Variants in ARK2N observed in about 807,000 individuals in gnomAD.
ARK2N encodes arkadia (RNF111) N-terminal like PKA signaling regulator 2N.
chr18:46,234,878 G>T, the ARK2N span, among the ~76,000 whole-genome samples: 12 of 152,230 alleles, frequency 7.9e-5, no homozygotes, highest in Middle Eastern at 0.014. Flanking sequence ...GGCAAGATTA[G>T]GTATGGCAAA....
chr18:46,244,081 A>C, the ARK2N span, among the ~76,000 whole-genome samples: 1 of 152,226 alleles, frequency 6.6e-6, no homozygotes, highest in Admixed American at 6.5e-5. Flanking sequence ...GTTTCTCCTG[A>C]TGATTCTGTC....
At chr18:46,253,877 C>A in the ARK2N span, 5 of 1,516,296 alleles carry the variant, frequency 3.3e-6, no homozygotes, top group Middle Eastern at 1.8e-4. Context: ...TCTATTTTAA[C>A]CAGAAAACAA....
At chr18:46,176,139 T>A in the ARK2N span, among the ~76,000 whole-genome samples, 1 of 152,342 alleles carries the variant, frequency 6.6e-6, no homozygotes, top group African/African-American at 2.4e-5. Context: ...ACTTTCAGTC[T>A]CTTTATTGTG....
chr18:46,208,746 C>T, the ARK2N span, among the ~76,000 whole-genome samples: 2 of 152,104 alleles, frequency 1.3e-5, no homozygotes, highest in African/African-American at 2.4e-5. Context: ...GGATTACAGG[C>T]GTGAGCCACC....
At chr18:46,245,678 T>C in the ARK2N span, among the ~76,000 whole-genome samples, 39 of 152,256 alleles carry the variant, frequency 2.6e-4, no homozygotes, top group African/African-American at 8.9e-4. Flanking sequence ...ATGCCTAGCA[T>C]GCGACTGTCA....
At chr18:46,219,260 C>T in the ARK2N span, 1 of 151,948 alleles carries the variant, frequency 6.6e-6, no homozygotes, top group Non-Finnish European at 1.5e-5. Flanking sequence ...GGCACTAGAT[C>T]ATCTCTCTTT....
the ARK2N span, among the ~76,000 whole-genome samples, chr18:46,213,184 T>C: frequency 5.3e-5 from 8 of 151,754 alleles, no homozygotes; most frequent in Non-Finnish European, 7.4e-5. Context: ...GTATTTTTAG[T>C]AGAGATGGGC....
At chr18:46,188,650 A>G in the ARK2N span, among the ~76,000 whole-genome samples, 1 of 152,182 alleles carries the variant, frequency 6.6e-6, no homozygotes, top group Non-Finnish European at 1.5e-5. Flanking sequence ...CCTGGCAAAA[A>G]TTTTAAGTGG....
chr18:46,228,219 C>T, the ARK2N span, among the ~76,000 whole-genome samples: 1 of 152,078 alleles, frequency 6.6e-6, no homozygotes, highest in Non-Finnish European at 1.5e-5. Flanking sequence ...GAAGTTCTGT[C>T]TTCACCTTCT....
chr18:46,197,746 A>C, the ARK2N span, among the ~76,000 whole-genome samples: 1 of 152,296 alleles, frequency 6.6e-6, no homozygotes, highest in South Asian at 2.1e-4. Flanking sequence ...CTTTTCAAAA[A>C]GGGGAAAGCA....
chr18:46,244,028 C>T, the ARK2N span, among the ~76,000 whole-genome samples: 9 of 152,136 alleles, frequency 5.9e-5, no homozygotes, highest in African/African-American at 1.4e-4. Context: ...TTTGCCAGAG[C>T]GTAGAAATTA....
chr18:46,231,566 CTTTT>C, the ARK2N span, among the ~76,000 whole-genome samples: 4,428 of 100,802 alleles, frequency 0.044, 141 homozygotes, highest in African/African-American at 0.11. Flanking sequence ...AGGTTTGGGG[CTTTT>C]TTTTTTTTTT....
the ARK2N span, among the ~76,000 whole-genome samples, chr18:46,222,923 G>T: frequency 1.3e-5 from 2 of 152,144 alleles, no homozygotes; most frequent in African/African-American, 2.4e-5. Context: ...TCTTGGTGTT[G>T]TAAGTTCTGT....
the ARK2N span, among the ~76,000 whole-genome samples, chr18:46,175,766 G>A: frequency 2.0e-5 from 3 of 152,188 alleles, no homozygotes; most frequent in South Asian, 2.1e-4. Flanking sequence ...TTCCCAAAGT[G>A]CTGGGATTAC....
chr18:46,194,336 C>T, the ARK2N span, among the ~76,000 whole-genome samples: 1 of 151,926 alleles, frequency 6.6e-6, no homozygotes, highest in Non-Finnish European at 1.5e-5. Context: ...TGCGGGGGCT[C>T]ACGCCTGTAA....
At chr18:46,237,790 G>A in the ARK2N span, among the ~76,000 whole-genome samples, 6 of 152,068 alleles carry the variant, frequency 3.9e-5, no homozygotes, top group Non-Finnish European at 7.4e-5. Context: ...GTTGGAAGAT[G>A]AAGTTGGAAG....
the ARK2N span, among the ~76,000 whole-genome samples, chr18:46,249,425 G>A: frequency 1.3e-5 from 2 of 151,686 alleles, no homozygotes; most frequent in African/African-American, 4.8e-5. Flanking sequence ...GTAGAGACGC[G>A]GTTTCACTGT....
At chr18:46,258,815 T>C in the ARK2N span, among the ~76,000 whole-genome samples, 1 of 152,212 alleles carries the variant, frequency 6.6e-6, no homozygotes, top group East Asian at 1.9e-4. Context: ...TTTTTTTTTA[T>C]GTTGCGTCAC....
At chr18:46,178,942 G>A in the ARK2N span, among the ~76,000 whole-genome samples, 1 of 151,740 alleles carries the variant, frequency 6.6e-6, no homozygotes, top group Non-Finnish European at 1.5e-5. Flanking sequence ...CTTAAGTTGA[G>A]TGAATACAAA....
Sources: allele counts gnomAD v4.1 joint callset (sites outside exome capture counted in the v4.1 genomes callset), GRCh38; gene constraint gnomAD v4.1.1; transcripts MANE v1.5; gene names NCBI Gene and HGNC (gene_info 2026-07-23, HGNC 2026-07-21).